PPP1R9A: variants seen among roughly 807,000 people sequenced by gnomAD.
PPP1R9A encodes the protein protein phosphatase 1 regulatory subunit 9A, also known as neurabin-1.
Under a neutral mutation model 141.9 loss-of-function variants are expected in PPP1R9A, and 59 were observed. That is an observed-to-expected ratio of 0.42 (90% CI 0.34 to 0.52). The LOEUF (loss-of-function observed/expected upper bound fraction) is 0.52. PPP1R9A is among the 20% of genes least tolerant of loss of function. The probability of loss-of-function intolerance (pLI) is 0.10; values close to 1 mark genes in which losing one functional copy is unlikely to be tolerated. For missense variants in PPP1R9A, 1,444 were observed against 1,611.9 expected (o/e 0.90, Z 1.78); for synonymous variants, 500 against 569.7 (o/e 0.88, Z 1.74).
intron 2 of PPP1R9A, among the ~76,000 whole-genome samples, chr7:95,000,783 G>A (rs1802809951): frequency 6.6e-6 from 1 of 151,912 alleles, no homozygotes; most frequent in Non-Finnish European, 1.5e-5. Context: ...AGGATTCCAG[G>A]GTCATTGTTC....
chr7:94,946,237 T>C (rs1584337040), intron 2 of PPP1R9A, among the ~76,000 whole-genome samples: 1 of 152,258 alleles, frequency 6.6e-6, no homozygotes, highest in South Asian at 2.1e-4. Context: ...GATAAAAATG[T>C]GTGAAGCAAC....
At chr7:94,990,304 A>G (rs555358526) in intron 2 of PPP1R9A, among the ~76,000 whole-genome samples, 3 of 152,192 alleles carry the variant, frequency 2.0e-5, no homozygotes, top group African/African-American at 7.2e-5. Flanking sequence ...TAAGGATTAT[A>G]GAGCCAAATG....
At chr7:95,164,155 A>G (rs1830840513) in intron 5 of PPP1R9A, among the ~76,000 whole-genome samples, 1 of 152,220 alleles carries the variant, frequency 6.6e-6, no homozygotes, top group South Asian at 2.1e-4. Context: ...CCACCAACCC[A>G]TCTTCAAACT....
chr7:94,983,936 T>C (rs1420506874), intron 2 of PPP1R9A, among the ~76,000 whole-genome samples: 4 of 152,340 alleles, frequency 2.6e-5, no homozygotes, highest in African/African-American at 9.6e-5. Flanking sequence ...CTTTCAGTTT[T>C]TGCCCATTCA....
intron 2 of PPP1R9A, among the ~76,000 whole-genome samples, chr7:95,003,741 T>C (rs1803244899): frequency 6.6e-6 from 1 of 152,160 alleles, no homozygotes; most frequent in Non-Finnish European, 1.5e-5. Flanking sequence ...TCTGATTTAT[T>C]GTTGGTCTGG....
chr7:94,959,220 TA>T (rs1336786929), intron 2 of PPP1R9A, among the ~76,000 whole-genome samples: 1 of 151,888 alleles, frequency 6.6e-6, no homozygotes, highest in African/African-American at 2.4e-5. Flanking sequence ...TCAGATTCTA[TA>T]AAAGAAATAG....
intron 2 of PPP1R9A, among the ~76,000 whole-genome samples, chr7:94,973,956 A>T (rs749308560): frequency 6.6e-6 from 1 of 152,160 alleles, no homozygotes; most frequent in East Asian, 1.9e-4. Flanking sequence ...AGCTCAAGCA[A>T]TCCTTCCACT....
chr7:94,954,324 G>T (rs967078705), intron 2 of PPP1R9A, among the ~76,000 whole-genome samples: 8 of 151,842 alleles, frequency 5.3e-5, no homozygotes, highest in Non-Finnish European at 1.2e-4. Context: ...TTTACTGACA[G>T]TTTTTTACTA....
chr7:95,044,719 T>A (rs1031663865), intron 2 of PPP1R9A, among the ~76,000 whole-genome samples: 1 of 146,202 alleles, frequency 6.8e-6, no homozygotes, highest in Non-Finnish European at 1.5e-5. Flanking sequence ...TAATTAAATA[T>A]ATATATATAT....
intron 2 of PPP1R9A, among the ~76,000 whole-genome samples, chr7:95,072,740 A>G (rs1172246185): frequency 9.2e-6 from 1 of 108,338 alleles, no homozygotes; most frequent in Admixed American, 1.4e-4. Context: ...TACATATAAT[A>G]TAATATATAA....
intron 7 of PPP1R9A, among the ~76,000 whole-genome samples, chr7:95,217,857 CTCTTT>C (rs1044921205): frequency 7.9e-6 from 1 of 126,784 alleles, no homozygotes; most frequent in African/African-American, 2.6e-5. Context: ...TGATTCTTCT[CTCTTT>C]TATTTGTTAT....
At position 95,013,158 on chromosome 7, in the gene PPP1R9A, G is replaced by A. The variant is rs115432542; in HGVS notation, c.1396-98101G>A. ...ATGCCACTTGACCATTTTTAATCTTGTGAGCCTTTGTCATTTTCACTGCAT... is the reference window on the plus strand; with the variant it reads ...ATGCCACTTGACCATTTTTAATCTTATGAGCCTTTGTCATTTTCACTGCAT... On this transcript the variant is annotated intron_variant, in intron 2 of 19. Coordinates refer to ENST00000433360, the MANE Select transcript of PPP1R9A (RefSeq NM_001166160.2). Among the ~76,000 whole-genome samples the A allele has an allele frequency of 7.4e-3, 1,121 of 152,182 alleles. 17 individuals are homozygous for A. The highest frequency in any genetic ancestry group is 0.025 in the African/African-American group (1,045 of 41,528).
At chr7:95,162,664 A>G (rs1761226133) in intron 5 of PPP1R9A, among the ~76,000 whole-genome samples, 2 of 152,212 alleles carry the variant, frequency 1.3e-5, no homozygotes, top group Non-Finnish European at 2.9e-5. Flanking sequence ...TGTAAGAAAC[A>G]TTAAGGAAAC....
At chr7:95,277,306 C>T (rs895017807) in intron 16 of PPP1R9A, among the ~76,000 whole-genome samples, 5 of 152,116 alleles carry the variant, frequency 3.3e-5, no homozygotes, top group South Asian at 4.2e-4. Context: ...CAGATACATG[C>T]GCGACATGAG....
In PPP1R9A at chr7:95,021,952, G is replaced by T. The variant is rs148096235; in HGVS notation, c.1396-89307G>T. 1.2e-4 allele frequency among the ~76,000 whole-genome samples: 19 copies of T among 152,242 alleles called. No homozygotes were observed. The East Asian group carries it at 3.5e-3, about 28-fold the overall frequency. The stretch of plus-strand genomic sequence containing the variant: ...TGCTTAGGATTGTCTTGGCTATGTG[G>T]GCTGTTTTTTGGTTCCATATGAAAT... On this transcript the variant is annotated intron_variant, in intron 2 of 19. Coordinates refer to ENST00000433360, the MANE Select transcript of PPP1R9A (RefSeq NM_001166160.2).
chr7:95,007,941 G>A (rs2151589106), intron 2 of PPP1R9A, among the ~76,000 whole-genome samples: 1 of 152,200 alleles, frequency 6.6e-6, no homozygotes, highest in South Asian at 2.1e-4. Context: ...GCGTGGTGGT[G>A]CATGCCTGTA....
intron 9 of PPP1R9A, among the ~76,000 whole-genome samples, chr7:95,248,585 T>A (rs1798457818): frequency 6.6e-6 from 1 of 152,192 alleles, no homozygotes; most frequent in Admixed American, 6.5e-5. Flanking sequence ...TGTCATTGTC[T>A]CTTGACATAG....
intron 8 of PPP1R9A, among the ~76,000 whole-genome samples, chr7:95,240,953 T>C (rs966688239): frequency 7.5e-6 from 1 of 134,224 alleles, no homozygotes; most frequent in African/African-American, 2.8e-5. Flanking sequence ...TTTAGTAGGT[T>C]AGTCAGTAAT....
chr7:94,989,246 A>G (rs1801213461), intron 2 of PPP1R9A, among the ~76,000 whole-genome samples: 1 of 152,102 alleles, frequency 6.6e-6, no homozygotes, highest in Non-Finnish European at 1.5e-5. Context: ...GATACAAATA[A>G]TGAGTTATCT....
Sources: gnomAD v4.1 joint callset for allele counts (sites outside exome capture counted in the v4.1 genomes callset) on GRCh38, gnomAD v4.1.1 for gene constraint, MANE v1.5 for transcripts, NCBI Gene and HGNC (gene_info 2026-07-23, HGNC 2026-07-21) for gene names.